The following ADAM28 variants were observed in gnomAD, a reference collection of about 807,000 sequenced individuals.
The protein encoded by ADAM28 is ADAM metallopeptidase domain 28, also known as disintegrin and metalloproteinase domain-containing protein 28.
ADAM28 carries 105 observed loss-of-function variants against 101.2 expected under a neutral mutation model. That is an observed-to-expected ratio of 1.04 (90% confidence interval 0.89 to 1.22). The LOEUF is 1.22. Among genes scored for constraint, ADAM28 ranks in the 50% most tolerant of loss-of-function variants. The pLI, the probability that ADAM28 is intolerant of heterozygous loss-of-function variation, is 0.00. For synonymous variants in ADAM28, 322 were observed against 310.6 expected, an observed-to-expected ratio of 1.04 and a Z score of -0.39; for missense variants, 1,028 against 945.4, an observed-to-expected ratio of 1.09 and a Z score of -1.15.
At position 24,349,953 on chromosome 8, in the gene ADAM28, AAGC is replaced by A. The variant is rs1295214256; in HGVS notation, c.2083_2085del (p.Gln695del). The A allele has an allele frequency of 6.2e-7, 1 of 1,613,590 alleles. No homozygotes were observed. Among genetic ancestry groups the A allele is most frequent in the Non-Finnish European group, 8.5e-7 (1 of 1,179,678 alleles). On this transcript the variant is annotated inframe_deletion, in exon 19 of 23. Coordinates refer to ENST00000265769, the MANE Select transcript of ADAM28 (RefSeq NM_014265.6). Reference sequence around the variant, plus strand: ...AATCCGGCACCAGAGCTCCAGAGAAAAGCAGAAGAAAGATCAGAGGTGATCCTT... The same window carrying A: ...AATCCGGCACCAGAGCTCCAGAGAAAAGAAGAAAGATCAGAGGTGATCCTT...
At chr8:24,316,656 C>T (rs769068035) in intron 6 of ADAM28, among the ~76,000 whole-genome samples, 4 of 151,990 alleles carry the variant, frequency 2.6e-5, no homozygotes, top group African/African-American at 7.2e-5. Flanking sequence ...GCAGAAATAG[C>T]CATTCTTCTG....
At chr8:24,326,489 G>A (rs1812634909) in intron 9 of ADAM28, 65 bp from the exon 10 acceptor site, 7 of 1,447,370 alleles carry the variant, frequency 4.8e-6, no homozygotes, top group Admixed American at 3.4e-5. Flanking sequence ...GGTTTTGGAT[G>A]TATTGTCTAT....
At chr8:24,306,372 A>ATATC (rs1275910034) in intron 2 of ADAM28, among the ~76,000 whole-genome samples, 2 of 138,978 alleles carry the variant, frequency 1.4e-5, no homozygotes, top group African/African-American at 5.5e-5. Context: ...AAATATATAT[A>ATATC]TATATATATA....
At chr8:24,313,642 G>T in intron 6 of ADAM28, 62 bp downstream of exon 6, 1 of 1,528,012 alleles carries the variant, frequency 6.5e-7, no homozygotes, top group Non-Finnish European at 8.9e-7. Flanking sequence ...TCCAGAATTA[G>T]CAGTGCAATT....
chr8:24,353,235 TTTATGTATA>T (rs1051205671), intron 21 of ADAM28, among the ~76,000 whole-genome samples: 5 of 152,094 alleles, frequency 3.3e-5, no homozygotes, highest in African/African-American at 9.7e-5. Flanking sequence ...GATATTTTAC[TTTATGTATA>T]TTAGTCATAG....
chr8:24,350,014 C>T, intron 19 of ADAM28, 42 bp downstream of exon 19: 1 of 1,557,764 alleles, frequency 6.4e-7, no homozygotes, highest in Non-Finnish European at 8.8e-7. Flanking sequence ...TCTTTGACCC[C>T]TATTTTACTT....
At chr8:24,314,054 G>C (rs1468877972) in intron 6 of ADAM28, among the ~76,000 whole-genome samples, 1 of 152,088 alleles carries the variant, frequency 6.6e-6, no homozygotes, top group Non-Finnish European at 1.5e-5. Context: ...ACCGCACTTA[G>C]CCGGAATCAA....
chr8:24,351,277 A>T lies in ADAM28; in HGVS notation c.2145A>T (p.Lys715Asn), dbSNP rs776986531. The T allele has an allele frequency of 8.1e-6, 13 of 1,611,552 alleles. No individual in the cohort carries two copies. Among genetic ancestry groups the T allele is most frequent in the Non-Finnish European group, 1.1e-5 (13 of 1,179,036 alleles). Reference protein sequence around the residue: ...TGTRPHKQKRKPQMVKAVQPQ... With the variant: ...TGTRPHKQKRNPQMVKAVQPQ... ...CCAGGCCACACAAACAGAAGAGGAA[A>T]CCCCAGATGGTAAAGGCTGTTCAAC... is the stretch of plus-strand genomic sequence containing the variant. The change falls in exon 20 of 23, where the codon AAA (lysine) becomes AAT (asparagine). Residue 715 changes from lysine to asparagine, a missense_variant. Physicochemically the swap from Lys to Asn is moderately conservative, Grantham distance 94. Coordinates refer to ENST00000265769, the MANE Select transcript of ADAM28 (RefSeq NM_014265.6).
chr8:24,325,837 G>C (rs1489317230), intron 9 of ADAM28, among the ~76,000 whole-genome samples: 1 of 88,248 alleles, frequency 1.1e-5, no homozygotes, highest in Non-Finnish European at 2.1e-5. Flanking sequence ...CAAATTTCTA[G>C]AGACAATTAA....
At chr8:24,313,791 C>G (rs1276404724) in intron 6 of ADAM28, among the ~76,000 whole-genome samples, 1 of 145,734 alleles carries the variant, frequency 6.9e-6, no homozygotes, top group Non-Finnish European at 1.5e-5. Flanking sequence ...GAGTTTCACT[C>G]TTGTTGCCTG....
chr8:24,299,284 T>C (rs1808388565), intron 1 of ADAM28, among the ~76,000 whole-genome samples: 1 of 152,224 alleles, frequency 6.6e-6, no homozygotes, highest in African/African-American at 2.4e-5. Context: ...TTCAGTTCTC[T>C]TTCAATATGA....
chr8:24,308,816 G>T (rs1471023553), intron 2 of ADAM28: 1 of 409,874 alleles, frequency 2.4e-6, no homozygotes, highest in African/African-American at 2.1e-5. Context: ...TCCCAGCACG[G>T]TGCTCATGAT....
At chr8:24,339,169 G>C (rs1401227438) in intron 14 of ADAM28, among the ~76,000 whole-genome samples, 1 of 152,040 alleles carries the variant, frequency 6.6e-6, no homozygotes. Context: ...GATTACCTGA[G>C]ACATGAAATA....
chr8:24,342,264 A>G (rs1307131469), intron 16 of ADAM28, among the ~76,000 whole-genome samples: 1 of 152,150 alleles, frequency 6.6e-6, no homozygotes, highest in East Asian at 1.9e-4. Flanking sequence ...TACCCTCTTT[A>G]TATATTCACT....
intron 8 of ADAM28, 46 bp downstream of exon 8, chr8:24,321,335 G>T (rs767354879): frequency 6.9e-7 from 1 of 1,443,144 alleles, no homozygotes; most frequent in Non-Finnish European, 9.8e-7. Context: ...TTTGCTGGGA[G>T]ATGTCACTGG....
At chr8:24,307,950 C>T (rs1322675128) in intron 2 of ADAM28, among the ~76,000 whole-genome samples, 4 of 152,202 alleles carry the variant, frequency 2.6e-5, no homozygotes, top group African/African-American at 9.7e-5. Context: ...TTAAGAACCT[C>T]TCTGTGTATT....
intron 19 of ADAM28, 40 bp from the exon 20 acceptor site, chr8:24,351,192 G>A: frequency 6.9e-7 from 1 of 1,443,364 alleles, no homozygotes; most frequent in Non-Finnish European, 9.3e-7. Flanking sequence ...TGCTGAAGGA[G>A]CTGCTAAGTC....
At chr8:24,342,592 C>T (rs373910194) in intron 16 of ADAM28, among the ~76,000 whole-genome samples, 32 of 152,204 alleles carry the variant, frequency 2.1e-4, no homozygotes, top group African/African-American at 7.5e-4. Flanking sequence ...CATATGCTAG[C>T]ATCAAGGGCA....
At chr8:24,302,260 G>A (rs1808880786) in intron 2 of ADAM28, among the ~76,000 whole-genome samples, 1 of 151,732 alleles carries the variant, frequency 6.6e-6, no homozygotes, top group Non-Finnish European at 1.5e-5. Flanking sequence ...TGCCTGCAAA[G>A]GACATGATCC....
Sources: gnomAD v4.1 joint callset for allele counts (sites outside exome capture counted in the v4.1 genomes callset) on GRCh38, gnomAD v4.1.1 for gene constraint, MANE v1.5 for transcripts, NCBI Gene and HGNC (gene_info 2026-07-23, HGNC 2026-07-21) for gene names.